Variants in ERG observed in about 807,000 individuals in gnomAD.
ERG encodes transcriptional regulator ERG.
A neutral mutation model predicts 55.3 loss-of-function variants in ERG; 9 were observed. The ratio of observed to expected loss-of-function variants is 0.16; its 90% CI spans 0.10 to 0.28. ERG has a LOEUF of 0.28. Ranked by LOEUF, ERG falls within the 10% of genes least tolerant of loss-of-function variation. The pLI is 1.00. For synonymous variants in ERG, 223 were observed against 237.3 expected, an observed-to-expected ratio of 0.94 and a Z score of 0.55; for missense variants, 434 against 631.6, an observed-to-expected ratio of 0.69 and a Z score of 3.35.
chr21:38,423,655 C>A, intron 2 of ERG, 94 bp from the exon 3 acceptor site: 1 of 1,347,662 alleles, frequency 7.4e-7, no homozygotes, highest in Non-Finnish European at 1.0e-6. Context: ...CAAAGAAGGG[C>A]AAGGCGGAAG....
At chr21:38,576,896 C>G (rs1046629845) in intron 1 of ERG, among the ~76,000 whole-genome samples, 1 of 152,178 alleles carries the variant, frequency 6.6e-6, no homozygotes. Context: ...CCCCTCCTTC[C>G]AGGCTCCAGC....
chr21:38,488,221 G>A (rs137967406), intron 1 of ERG, among the ~76,000 whole-genome samples: 2 of 152,204 alleles, frequency 1.3e-5, no homozygotes, highest in East Asian at 1.9e-4. Context: ...ATCGCCAAAG[G>A]GGGTACCCTT....
chr21:38,573,666 C>T (rs1477334382), intron 2 of ERG, among the ~76,000 whole-genome samples: 1 of 152,238 alleles, frequency 6.6e-6, no homozygotes, highest in Non-Finnish European at 1.5e-5. Context: ...TCTCCTACTA[C>T]ATTCCTTTTT....
chr21:38,433,066 G>A (rs1773766766), intron 2 of ERG, among the ~76,000 whole-genome samples: 1 of 152,174 alleles, frequency 6.6e-6, no homozygotes, highest in African/African-American at 2.4e-5. Context: ...TGTTTATGTA[G>A]AGATATAAAT....
intron 1 of ERG, among the ~76,000 whole-genome samples, chr21:38,479,564 A>G (rs1447375174): frequency 6.6e-6 from 1 of 152,186 alleles, no homozygotes; most frequent in Non-Finnish European, 1.5e-5. Flanking sequence ...CATAAAGAAG[A>G]AGGTCGTGGG....
intron 6 of ERG, among the ~76,000 whole-genome samples, chr21:38,398,748 A>C (rs1275737599): frequency 6.6e-6 from 1 of 152,192 alleles, no homozygotes; most frequent in African/African-American, 2.4e-5. Flanking sequence ...CCACTGTCTT[A>C]ACCAGGTAGC....
At chr21:38,533,119 T>A (rs2059684558) in intron 2 of ERG, among the ~76,000 whole-genome samples, 2 of 152,172 alleles carry the variant, frequency 1.3e-5, no homozygotes. Flanking sequence ...CAAGAATTAT[T>A]AGAACCCAGG....
chr21:38,659,757 ATCCAT>A (rs1250944169), intron 1 of ERG, among the ~76,000 whole-genome samples: 1 of 152,238 alleles, frequency 6.6e-6, no homozygotes, highest in Non-Finnish European at 1.5e-5. Flanking sequence ...GAAATTGTTT[ATCCAT>A]TTTATTGCGC....
chr21:38,559,674 T>A (rs751157737), intron 2 of ERG, among the ~76,000 whole-genome samples: 18 of 152,132 alleles, frequency 1.2e-4, no homozygotes, highest in South Asian at 4.2e-4. Flanking sequence ...TAAAACAAAT[T>A]TTTTAATAAT....
At position 38,400,582 on chromosome 21, in the gene ERG, G is replaced by T. The variant is rs760289481; in HGVS notation, c.737C>A (p.Thr246Asn). 6.2e-7 allele frequency: 1 copy of T among 1,613,282 alleles called. No individual in the cohort carries two copies. Among genetic ancestry groups the T allele is most frequent in the African/African-American group, 1.3e-5 (1 of 74,916 alleles). ...VYPEATQRIT[T>N]RPDLPYEPPR... ...CAGGGGTGTTTTCGTACCTGGCCTA[G>T]TTGTAATTCTTTGCGTAGCTTCAGG... Residue 246 changes from threonine (T) to asparagine (N), a missense_variant, in exon 6 of 10, where the codon ACT becomes AAT. Transcript: ENST00000288319.
At chr21:38,466,651 A>G (rs1601445338) in intron 1 of ERG, among the ~76,000 whole-genome samples, 1 of 152,172 alleles carries the variant, frequency 6.6e-6, no homozygotes. Context: ...TCAGTTCTTC[A>G]TATGATAAAA....
upstream of ERG, among the ~76,000 whole-genome samples, chr21:38,587,259 TGG>T (rs1328615609): frequency 6.6e-6 from 1 of 152,198 alleles, no homozygotes; most frequent in African/African-American, 2.4e-5. Context: ...CAGTCATACA[TGG>T]GCCCAAGGAG....
intron 1 of ERG, among the ~76,000 whole-genome samples, chr21:38,622,438 C>A (rs942924466): frequency 6.7e-6 from 1 of 149,916 alleles, no homozygotes; most frequent in African/African-American, 2.5e-5. Flanking sequence ...ACACACACCC[C>A]CCACACATGA....
intron 1 of ERG, among the ~76,000 whole-genome samples, chr21:38,625,915 CTTTTTTTTTT>C (rs397797559): frequency 1.2e-5 from 1 of 84,430 alleles, no homozygotes; most frequent in Non-Finnish European, 2.1e-5. Context: ...ACTTGAAGCT[CTTTTTTTTTT>C]TTTTTTTTTT....
chr21:38,446,718 G>A (rs1353991284), intron 1 of ERG, among the ~76,000 whole-genome samples: 1 of 152,164 alleles, frequency 6.6e-6, no homozygotes, highest in Non-Finnish European at 1.5e-5. Context: ...TTTGGAGGCA[G>A]AGCAGGGGAG....
chr21:38,411,725 C>T (rs1261374205), intron 3 of ERG, among the ~76,000 whole-genome samples: 2 of 152,090 alleles, frequency 1.3e-5, no homozygotes, highest in African/African-American at 4.8e-5. Context: ...TTTGGGAGTA[C>T]AGAGTTCTAG....
intron 1 of ERG, among the ~76,000 whole-genome samples, chr21:38,597,801 A>G (rs2060141375): frequency 6.6e-6 from 1 of 152,252 alleles, no homozygotes; most frequent in Non-Finnish European, 1.5e-5. Context: ...GAATGTGCAC[A>G]GAGTAAATTA....
At chr21:38,612,345 G>C (rs1331471156) in intron 1 of ERG, among the ~76,000 whole-genome samples, 1 of 151,784 alleles carries the variant, frequency 6.6e-6, no homozygotes, top group Non-Finnish European at 1.5e-5. Context: ...AATAGGATTA[G>C]CTTTTTGATT....
chr21:38,604,241 G>A (rs1219953378), intron 1 of ERG, among the ~76,000 whole-genome samples: 1 of 143,238 alleles, frequency 7.0e-6, no homozygotes, highest in African/African-American at 2.6e-5. Flanking sequence ...GCGACAGAGC[G>A]AGACTCCGTC....
Sources: allele counts gnomAD v4.1 joint callset (sites outside exome capture counted in the v4.1 genomes callset), GRCh38; gene constraint gnomAD v4.1.1; transcripts MANE v1.5; gene names NCBI Gene and HGNC (gene_info 2026-07-23, HGNC 2026-07-21).